SH3RF3: variants seen among roughly 807,000 people sequenced by gnomAD.
SH3RF3 encodes the protein E3 ubiquitin-protein ligase SH3RF3.
SH3RF3 carries 29 observed loss-of-function variants against 66.3 expected under a neutral mutation model. That is an observed-to-expected ratio of 0.44 (90% CI 0.33 to 0.60). The LOEUF (loss-of-function observed/expected upper bound fraction) is 0.60, where lower values mean the gene tolerates loss of function less well. Ranked by LOEUF, SH3RF3 falls within the 20% of genes least tolerant of loss-of-function variation. The probability of loss-of-function intolerance (pLI) is 0.04; values close to 1 mark genes in which losing one functional copy is unlikely to be tolerated. For missense variants in SH3RF3, 1,194 were observed against 1,190.9 expected (o/e 1.00, Z -0.04); for synonymous variants, 583 against 532.0 (o/e 1.10, Z -1.32).
At chr2:109,281,413 A>C (rs892483640) in intron 1 of SH3RF3, among the ~76,000 whole-genome samples, 1 of 152,218 alleles carries the variant, frequency 6.6e-6, no homozygotes. Context: ...TGACAGTCTC[A>C]GAGCAGGATG....
rs762641361 is a variant in SH3RF3 at position 109,440,168 on chromosome 2, AAGG to A, written c.1828+3025_1828+3027del. Among the ~76,000 whole-genome samples, 5 of 152,356 alleles carry A rather than the reference AAGG, an allele frequency of 3.3e-5. No homozygotes were observed. In the East Asian group the frequency reaches 7.7e-4, roughly 23 times the overall value. On this transcript the variant is annotated intron_variant, in intron 7 of 9. Transcript: ENST00000309415. ...CATGACTGAAGCAAAGCTATGGAAG[AAGG>A]AGAAGTCCAGTGTGTAGATGACAGT...
intron 1 of SH3RF3, among the ~76,000 whole-genome samples, chr2:109,304,329 G>A (rs1400308823): frequency 2.0e-5 from 3 of 152,114 alleles, no homozygotes; most frequent in African/African-American, 7.2e-5. Context: ...ATATAAGTGA[G>A]ATCATGTGGT....
intron 4 of SH3RF3, among the ~76,000 whole-genome samples, chr2:109,402,866 G>A (rs112259614): frequency 1.3e-5 from 2 of 152,182 alleles, no homozygotes; most frequent in Admixed American, 6.5e-5. Context: ...CTCATTGAAC[G>A]TTGCACTGGG....
chr2:109,455,835 C>T (rs768867535), intron 8 of SH3RF3, among the ~76,000 whole-genome samples: 19 of 152,210 alleles, frequency 1.2e-4, no homozygotes, highest in Non-Finnish European at 1.6e-4. Context: ...GTGACAGCTA[C>T]ACTCTGCTGG....
intron 1 of SH3RF3, among the ~76,000 whole-genome samples, chr2:109,196,405 G>A (rs1325159225): frequency 1.3e-5 from 2 of 152,206 alleles, no homozygotes; most frequent in African/African-American, 4.8e-5. Context: ...CCCGTGGCGG[G>A]CAGCCTCCTG....
At chr2:109,161,428 T>A (rs528903467) in intron 1 of SH3RF3, among the ~76,000 whole-genome samples, 1 of 152,122 alleles carries the variant, frequency 6.6e-6, no homozygotes, top group South Asian at 2.1e-4. Flanking sequence ...GGGAATGTGA[T>A]GCTTCCTGAT....
At chr2:109,456,243 G>A (rs1008069741) in intron 8 of SH3RF3, among the ~76,000 whole-genome samples, 14 of 152,196 alleles carry the variant, frequency 9.2e-5, no homozygotes, top group Admixed American at 2.6e-4. Flanking sequence ...AGAAGGGGTC[G>A]CAGAGTCAGC....
intron 5 of SH3RF3, 107 bp downstream of exon 5, chr2:109,419,749 A>G: frequency 9.4e-7 from 1 of 1,058,630 alleles, no homozygotes; most frequent in Non-Finnish European, 1.4e-6. Flanking sequence ...ATGTGTTACT[A>G]GTTGGCCAGT....
intron 5 of SH3RF3, among the ~76,000 whole-genome samples, chr2:109,420,336 G>T (rs1418452544): frequency 6.6e-6 from 1 of 152,138 alleles, no homozygotes; most frequent in African/African-American, 2.4e-5. Flanking sequence ...CAAACAAGAT[G>T]ACATAATACA....
intron 2 of SH3RF3, among the ~76,000 whole-genome samples, chr2:109,368,416 A>G (rs1330739349): frequency 1.3e-5 from 2 of 152,206 alleles, no homozygotes; most frequent in Non-Finnish European, 1.5e-5. Context: ...TGGCATATAC[A>G]GTGGATTAGA....
chr2:109,386,346 G>A (rs547350658), intron 3 of SH3RF3, among the ~76,000 whole-genome samples: 94 of 152,262 alleles, frequency 6.2e-4, no homozygotes, highest in African/African-American at 2.1e-3. Flanking sequence ...AAGCAGCAGG[G>A]AAGGTCAGGC....
chr2:109,314,056 G>T (rs1427450611), intron 1 of SH3RF3, among the ~76,000 whole-genome samples: 2 of 152,142 alleles, frequency 1.3e-5, no homozygotes, highest in African/African-American at 4.8e-5. Flanking sequence ...GGCTATGGGG[G>T]AAGAGAGGGG....
At chr2:109,355,260 A>C (rs987357507) in intron 2 of SH3RF3, among the ~76,000 whole-genome samples, 4 of 152,246 alleles carry the variant, frequency 2.6e-5, no homozygotes, top group African/African-American at 9.6e-5. Context: ...TTGTGGAAAC[A>C]AGTTTCATTC....
chr2:109,280,017 G>A (rs999847301), intron 1 of SH3RF3, among the ~76,000 whole-genome samples: 7 of 152,170 alleles, frequency 4.6e-5, no homozygotes, highest in Admixed American at 3.9e-4. Context: ...CCCAGGGTGG[G>A]AGTAGAGGAG....
intron 1 of SH3RF3, among the ~76,000 whole-genome samples, chr2:109,318,688 A>G (rs1681944565): frequency 6.6e-6 from 1 of 152,102 alleles, no homozygotes; most frequent in Non-Finnish European, 1.5e-5. Context: ...GGTCTCTCAG[A>G]TCATGCCCTG....
At chr2:109,501,183 G>GTGGT (rs2104417823) in intron 9 of SH3RF3, among the ~76,000 whole-genome samples, 1 of 152,266 alleles carries the variant, frequency 6.6e-6, no homozygotes, top group East Asian at 1.9e-4. Flanking sequence ...GTCTAGGTGG[G>GTGGT]TGGGCCAGGG....
intron 4 of SH3RF3, among the ~76,000 whole-genome samples, chr2:109,414,042 C>T (rs571999165): frequency 3.1e-4 from 47 of 152,326 alleles, no homozygotes; most frequent in African/African-American, 1.1e-3. Context: ...AATGACATTC[C>T]CTCTGAAGCA....
At chr2:109,437,197 G>T in intron 7 of SH3RF3, 51 bp downstream of exon 7, 1 of 1,551,034 alleles carries the variant, frequency 6.4e-7, no homozygotes, top group South Asian at 1.2e-5. Flanking sequence ...GGGGCTTCCT[G>T]GGACATGCTT....
chr2:109,267,478 C>T (rs1680522937), intron 1 of SH3RF3, among the ~76,000 whole-genome samples: 1 of 152,230 alleles, frequency 6.6e-6, no homozygotes, highest in Admixed American at 6.5e-5. Context: ...AAGACAGAGT[C>T]AGTGTTGCTG....
Sources: allele counts gnomAD v4.1 joint callset (sites outside exome capture counted in the v4.1 genomes callset), GRCh38; gene constraint gnomAD v4.1.1; transcripts MANE v1.5; gene names NCBI Gene and HGNC (gene_info 2026-07-23, HGNC 2026-07-21).